SAMD3: variants seen among roughly 807,000 people sequenced by gnomAD.
SAMD3 encodes sterile alpha motif domain containing 3.
In SAMD3, 63 loss-of-function variants were observed where a neutral mutation model predicts 58.5. The observed-to-expected ratio is 1.08, with a 90% CI of 0.88 to 1.33. SAMD3 has a LOEUF of 1.33. SAMD3 is among the 40% of genes most tolerant of loss of function. The probability of loss-of-function intolerance (pLI) is 0.00; values close to 1 mark genes in which losing one functional copy is unlikely to be tolerated. For synonymous variants in SAMD3, 220 were observed against 210.3 expected, an observed-to-expected ratio of 1.05 and a Z score of -0.40; for missense variants, 604 against 608.4, an observed-to-expected ratio of 0.99 and a Z score of 0.08.
intron 9 of SAMD3, among the ~76,000 whole-genome samples, chr6:130,152,959 A>G (rs76283515): frequency 0.017 from 2,578 of 152,256 alleles, 37 homozygotes; most frequent in Middle Eastern, 0.038. Context: ...ATTTATATTC[A>G]TCACTAAGCC....
intron 2 of SAMD3, among the ~76,000 whole-genome samples, chr6:130,295,212 C>T (rs1189927535): frequency 6.6e-6 from 1 of 152,104 alleles, no homozygotes; most frequent in South Asian, 2.1e-4. Context: ...CGTGAGCCAC[C>T]ACGTCCAGCC....
At chr6:130,195,215 C>T (rs1793979900) in intron 5 of SAMD3, among the ~76,000 whole-genome samples, 2 of 152,052 alleles carry the variant, frequency 1.3e-5, no homozygotes, top group East Asian at 1.9e-4. Flanking sequence ...CCTCTTGTAT[C>T]CCCCTACCTT....
chr6:130,199,684 T>A (rs190071130), intron 5 of SAMD3, among the ~76,000 whole-genome samples: 125 of 152,318 alleles, frequency 8.2e-4, no homozygotes, highest in African/African-American at 2.9e-3. Context: ...TAGAGACACG[T>A]GCCAATGAAC....
At chr6:130,357,690 C>G (rs1777875442) in intron 1 of SAMD3, among the ~76,000 whole-genome samples, 1 of 152,194 alleles carries the variant, frequency 6.6e-6, no homozygotes, top group Non-Finnish European at 1.5e-5. Context: ...CTCCAACATT[C>G]TAATGTGTAT....
At chr6:130,352,525 C>T (rs1172069779) in intron 1 of SAMD3, among the ~76,000 whole-genome samples, 1 of 152,030 alleles carries the variant, frequency 6.6e-6, no homozygotes, top group Admixed American at 6.6e-5. Context: ...ACCCCAAATA[C>T]CCACCTGATC....
At chr6:130,352,794 C>T (rs907728398) in intron 1 of SAMD3, among the ~76,000 whole-genome samples, 1 of 152,292 alleles carries the variant, frequency 6.6e-6, no homozygotes, top group East Asian at 1.9e-4. Context: ...TTACCTATAA[C>T]AGATGTGTCT....
intron 1 of SAMD3, among the ~76,000 whole-genome samples, chr6:130,346,930 G>A (rs1009021916): frequency 3.9e-5 from 6 of 152,178 alleles, no homozygotes; most frequent in Admixed American, 6.5e-5. Context: ...ACCAATATCC[G>A]CTGTTCTGCA....
At chr6:130,354,790 G>A (rs892347125) in intron 1 of SAMD3, among the ~76,000 whole-genome samples, 7 of 152,080 alleles carry the variant, frequency 4.6e-5, no homozygotes, top group Non-Finnish European at 1.0e-4. Context: ...ACATGTACCC[G>A]TAAACCTGAA....
chr6:130,266,346 A>G lies in SAMD3; in HGVS notation c.-187-43533T>C, dbSNP rs190347095. On this transcript the variant is annotated intron_variant, in intron 2 of 13. Transcript: ENST00000368134. ...GAACTGTAATAGGAGATCAATGGCC[A>G]TAGGAAGCCCAAGAATTTGTACCTA... is the stretch of plus-strand genomic sequence containing the variant. 2.5e-3 allele frequency among the ~76,000 whole-genome samples: 376 copies of G among 152,304 alleles called. 3 individuals carry two copies. Among genetic ancestry groups the G allele is most frequent in the African/African-American group, 8.5e-3 (353 of 41,558 alleles).
intron 2 of SAMD3, among the ~76,000 whole-genome samples, chr6:130,309,040 G>T (rs1776045765): frequency 6.6e-6 from 1 of 152,098 alleles, no homozygotes; most frequent in African/African-American, 2.4e-5. Flanking sequence ...TGATAATAAG[G>T]TTTGGCTACA....
chr6:130,187,533 C>A (rs577750117), intron 5 of SAMD3, among the ~76,000 whole-genome samples: 1 of 152,206 alleles, frequency 6.6e-6, no homozygotes, highest in African/African-American at 2.4e-5. Flanking sequence ...CCCATGCCAC[C>A]TAATACCAGT....
intron 1 of SAMD3, among the ~76,000 whole-genome samples, chr6:130,339,104 C>T (rs1777187712): frequency 6.6e-6 from 1 of 151,948 alleles, no homozygotes; most frequent in Non-Finnish European, 1.5e-5. Flanking sequence ...TGGAGTGTAG[C>T]AGCACAATCT....
intron 1 of SAMD3, among the ~76,000 whole-genome samples, chr6:130,319,675 T>G (rs1776516962): frequency 6.6e-6 from 1 of 152,094 alleles, no homozygotes; most frequent in Non-Finnish European, 1.5e-5. Flanking sequence ...GGAAATTTGG[T>G]CCTATACAAA....
chr6:130,340,676 T>G lies in SAMD3; in HGVS notation c.-304+24444A>C, dbSNP rs181041329. Among the ~76,000 whole-genome samples the G allele has an allele frequency of 4.8e-3, 726 of 152,360 alleles. 2 individuals are homozygous for G. The highest frequency in any genetic ancestry group is 7.8e-3 in the Non-Finnish European group (528 of 68,034). On this transcript the variant is annotated intron_variant, in intron 1 of 13. Transcript: ENST00000368134. ...GAAAATAGATTCTCACAATTTCATC[T>G]TTTAATTCTACAAAAATTCCTTGGA...
At chr6:130,339,936 T>C (rs1023413135) in intron 1 of SAMD3, among the ~76,000 whole-genome samples, 1 of 152,202 alleles carries the variant, frequency 6.6e-6, no homozygotes, top group Non-Finnish European at 1.5e-5. Flanking sequence ...ATTTATGTAA[T>C]CATCTATATC....
At chr6:130,158,650 G>A (rs974950221) in intron 8 of SAMD3, among the ~76,000 whole-genome samples, 7 of 152,186 alleles carry the variant, frequency 4.6e-5, no homozygotes, top group East Asian at 1.9e-4. Context: ...GGTTCTTGGC[G>A]TTTTGAACAA....
At chr6:130,340,226 G>A (rs930730908) in intron 1 of SAMD3, among the ~76,000 whole-genome samples, 4 of 152,238 alleles carry the variant, frequency 2.6e-5, no homozygotes, top group African/African-American at 9.6e-5. Context: ...TCCACAATGA[G>A]TCTTACTGGG....
At position 130,286,710 on chromosome 6, in the gene SAMD3, A is replaced by G. The variant is rs530790292; in HGVS notation, c.-188+26268T>C. The stretch of plus-strand genomic sequence containing the variant: ...AATTAATTTATCCCTAGAGAAGCTC[A>G]TTCTTTATTTATTTGTTTTGAGATA... On this transcript the variant is annotated intron_variant, in intron 2 of 13. Transcript: ENST00000368134. Among the ~76,000 whole-genome samples, 208 of 152,050 alleles carry G rather than the reference A, an allele frequency of 1.4e-3. 1 individual carries two copies. The highest frequency in any genetic ancestry group is 4.9e-3 in the African/African-American group (203 of 41,462).
intron 2 of SAMD3, among the ~76,000 whole-genome samples, chr6:130,275,676 C>T (rs2114942576): frequency 6.6e-6 from 1 of 152,100 alleles, no homozygotes; most frequent in Admixed American, 6.6e-5. Context: ...ATTAAATCAC[C>T]TATTTGGTCT....
Sources: gnomAD v4.1 joint callset for allele counts (sites outside exome capture counted in the v4.1 genomes callset) on GRCh38, gnomAD v4.1.1 for gene constraint, MANE v1.5 for transcripts, NCBI Gene and HGNC (gene_info 2026-07-23, HGNC 2026-07-21) for gene names.